The following DNMT3A variants were observed in gnomAD, a reference collection of about 807,000 sequenced individuals.
DNMT3A encodes the protein DNA methyltransferase 3 alpha.
DNMT3A carries 267 observed loss-of-function variants against 117.6 expected under a neutral mutation model. The ratio of observed to expected loss-of-function variants is 2.27; its 90% CI spans 2.05 to 2.51. DNMT3A has a LOEUF of 2.51. Ranked by LOEUF, DNMT3A falls within the 30% of genes most tolerant of loss-of-function variation. DNMT3A has a pLI of 0.00. For missense variants in DNMT3A, 1,029 were observed against 1,260.2 expected, an observed-to-expected ratio of 0.82 and a Z score of 2.78; for synonymous variants, 432 against 474.8, an observed-to-expected ratio of 0.91 and a Z score of 1.17.
chr2:25,340,070 C>T (rs2035354600), intron 1 of DNMT3A, among the ~76,000 whole-genome samples: 1 of 152,378 alleles, frequency 6.6e-6, no homozygotes, highest in Admixed American at 6.5e-5. Context: ...CAGCGCTTCT[C>T]CCCAAGGCTT....
At chr2:25,289,059 T>C (rs1335088350) in intron 3 of DNMT3A, among the ~76,000 whole-genome samples, 2 of 152,158 alleles carry the variant, frequency 1.3e-5, no homozygotes, top group African/African-American at 4.8e-5. Context: ...TCTAATTATC[T>C]GTTTACTGTG....
Position 25,306,355 on chromosome 2 carries a change from C to G in DNMT3A, c.73-6112G>C, listed in dbSNP as rs2033780539. Among the ~76,000 whole-genome samples, 1 of 152,154 alleles carries G rather than the reference C, an allele frequency of 6.6e-6. No homozygotes were observed. The highest frequency in any genetic ancestry group is 1.5e-5 in the Non-Finnish European group (1 of 68,030). On this transcript the variant is annotated intron_variant, in intron 2 of 22. Coordinates refer to ENST00000321117, the MANE Select transcript of DNMT3A (RefSeq NM_022552.5). The surrounding 1 kb of genome is among the most constrained non-coding windows in gnomAD (Gnocchi z 4.1). ...TCAGTCACCTCCCAAGGCTCATCAG[C>G]CCTTTATTTCAATTATTCAACAATA... is the stretch of plus-strand genomic sequence containing the variant.
chr2:25,271,067 G>A (rs867504101), intron 6 of DNMT3A, among the ~76,000 whole-genome samples: 5 of 151,904 alleles, frequency 3.3e-5, no homozygotes, highest in South Asian at 2.1e-4. Flanking sequence ...CTGATAGGCC[G>A]GGTGCAGTGA....
chr2:25,275,582 C>A lies in DNMT3A; in HGVS notation c.449-39G>T, dbSNP rs371453693. ...AGAACAAAGGGACCAGTTCGTTGGT[C>A]GGCAGAATTACTGGAGTGGCTCACA... On this transcript the variant is annotated intron_variant, in intron 4 of 22. Coordinates refer to ENST00000321117, the MANE Select transcript of DNMT3A (RefSeq NM_022552.5). The A allele has an allele frequency of 3.2e-6, 5 of 1,546,270 alleles. No homozygotes were observed. In the Admixed American group the frequency reaches 6.8e-5, roughly 21 times the overall value.
At chr2:25,244,732 C>T (rs1466880461) in intron 13 of DNMT3A, 80 bp from the exon 14 acceptor site, 2 of 1,190,748 alleles carry the variant, frequency 1.7e-6, no homozygotes, top group Non-Finnish European at 2.5e-6. Flanking sequence ...CCACACCTGG[C>T]CTCACAGAGC....
intron 20 of DNMT3A, among the ~76,000 whole-genome samples, chr2:25,238,121 A>G (rs1340872056): frequency 6.6e-6 from 1 of 152,208 alleles, no homozygotes; most frequent in East Asian, 1.9e-4. Context: ...CCACAGGACC[A>G]AGGTCTGTCG....
chr2:25,332,783 T>C (rs955059023), intron 1 of DNMT3A, among the ~76,000 whole-genome samples: 9 of 152,230 alleles, frequency 5.9e-5, no homozygotes, highest in Non-Finnish European at 1.0e-4. Context: ...CCAGTTGGGC[T>C]GGGAACCACC....
At position 25,240,367 on chromosome 2, in the gene DNMT3A, A is replaced by T. The variant is rs1189107128; in HGVS notation, c.2257T>A (p.Trp753Arg). ...PKEGDDRPFF[W>R]LFENVVAMGV... ...ATGGCCACCACATTCTCAAAGAGCC[A>T]GAAGAAGGGGCGATCATCTCCCTCC... Residue 753 changes from tryptophan to arginine, a missense_variant, in exon 19 of 23, where the codon TGG (tryptophan) becomes AGG (arginine). Trp to Arg is a moderately radical substitution (Grantham distance 101). Transcript: ENST00000321117. The T allele has an allele frequency of 6.2e-7, 1 of 1,614,040 alleles. No homozygotes were observed. The highest frequency in any genetic ancestry group is 8.5e-7 in the Non-Finnish European group (1 of 1,179,912).
At chr2:25,264,963 A>T (rs1367143743) in intron 6 of DNMT3A, among the ~76,000 whole-genome samples, 1 of 152,172 alleles carries the variant, frequency 6.6e-6, no homozygotes, top group Non-Finnish European at 1.5e-5. Flanking sequence ...CATCTCATCT[A>T]TTTCTGTCGC....
chr2:25,335,364 CA>C (rs2035170419), intron 1 of DNMT3A, among the ~76,000 whole-genome samples: 1 of 152,232 alleles, frequency 6.6e-6, no homozygotes, highest in Admixed American at 6.5e-5. Context: ...ACTGGCTTGG[CA>C]GGGGCAGGGG....
intron 6 of DNMT3A, among the ~76,000 whole-genome samples, chr2:25,251,675 C>T (rs1427482524): frequency 6.6e-6 from 1 of 152,198 alleles, no homozygotes; most frequent in Non-Finnish European, 1.5e-5. Flanking sequence ...ACCGTGCTCT[C>T]CCGCCCCCCA....
chr2:25,310,946 T>C (rs2034078767), intron 2 of DNMT3A, among the ~76,000 whole-genome samples: 1 of 152,060 alleles, frequency 6.6e-6, no homozygotes, highest in Non-Finnish European at 1.5e-5. Context: ...GAACCACTGG[T>C]CCCCTGCAAA....
rs191453738 is a variant in DNMT3A at position 25,248,900 on chromosome 2, G to A, written c.640-648C>T. ...TTATTATTATACTTTAAGTTTTAGGGTACATGTGCACAACGTGCAGGTTTG... is the reference window on the plus strand; with the variant it reads ...TTATTATTATACTTTAAGTTTTAGGATACATGTGCACAACGTGCAGGTTTG... On this transcript the variant is annotated intron_variant, in intron 6 of 22. Coordinates refer to ENST00000321117, the MANE Select transcript of DNMT3A (RefSeq NM_022552.5). Among the ~76,000 whole-genome samples the A allele has an allele frequency of 3.8e-3, 584 of 152,168 alleles. 4 individuals carry two copies. Among genetic ancestry groups the A allele is most frequent in the African/African-American group, 0.013 (540 of 41,520 alleles).
At chr2:25,272,783 C>T (rs1274178638) in intron 6 of DNMT3A, among the ~76,000 whole-genome samples, 2 of 151,572 alleles carry the variant, frequency 1.3e-5, no homozygotes, top group African/African-American at 4.9e-5. Context: ...CCAGAACCCC[C>T]ACCCTGTTCT....
rs1558665493 is a variant in DNMT3A, at chr2:25,244,296, C to T, written c.1710G>A (p.Gly570=). ...CTTCCTTAATGGCTGCCTGGGCAGC[C>T]CCCGGCCCCACCAAGAGGTCCACAC... ...VECVDLLVGP[G]AAQAAIKEDP... The change falls in exon 15 of 23, where the codon GGG becomes GGA. Residue 570 remains glycine, a synonymous_variant. Transcript: ENST00000321117. 3.1e-6 allele frequency: 5 copies of T among 1,611,282 alleles called. No individual in the cohort carries two copies. Among genetic ancestry groups the T allele is most frequent in the East Asian group, 4.5e-5 (2 of 44,726 alleles).
At chr2:25,277,489 G>A (rs925507775) in intron 4 of DNMT3A, among the ~76,000 whole-genome samples, 2 of 152,112 alleles carry the variant, frequency 1.3e-5, no homozygotes, top group African/African-American at 4.8e-5. Context: ...CGGGGCTCGC[G>A]GTGGCGCTGG....
rs2149337963 is a variant in DNMT3A at position 25,257,711 on chromosome 2, G to A, written c.640-9459C>T. 6.6e-6 allele frequency among the ~76,000 whole-genome samples: 1 copy of A among 152,282 alleles called. No individual in the cohort carries two copies. Among genetic ancestry groups the A allele is most frequent in the East Asian group, 1.9e-4 (1 of 5,184 alleles). ...GATTCACTTTGGTTTAATTGCATCTGGATCACCCAAGGAGGGCTTTAAAAA... is the reference window on the plus strand; with the variant it reads ...GATTCACTTTGGTTTAATTGCATCTAGATCACCCAAGGAGGGCTTTAAAAA... On this transcript the variant is annotated intron_variant, in intron 6 of 22. Coordinates refer to ENST00000321117, the MANE Select transcript of DNMT3A (RefSeq NM_022552.5). The surrounding 1 kb of genome is among the most constrained non-coding windows in gnomAD (Gnocchi z 4.8).
intron 6 of DNMT3A, chr2:25,249,535 G>A (rs1675261776): frequency 9.1e-7 from 1 of 1,102,190 alleles, no homozygotes. Flanking sequence ...ATAAATACAT[G>A]TATTCATTCA....
At chr2:25,312,166 A>C (rs573322954) in intron 2 of DNMT3A, among the ~76,000 whole-genome samples, 1 of 152,340 alleles carries the variant, frequency 6.6e-6, no homozygotes, top group South Asian at 2.1e-4. Flanking sequence ...AAAGCAAGCC[A>C]GGCCCAAGAA....
Sources: allele counts gnomAD v4.1 joint callset (sites outside exome capture counted in the v4.1 genomes callset), GRCh38; gene constraint gnomAD v4.1.1; non-coding constraint Gnocchi (gnomAD v3.1); transcripts MANE v1.5; gene names NCBI Gene and HGNC (gene_info 2026-07-23, HGNC 2026-07-21).